CLTC: variants seen among roughly 807,000 people sequenced by gnomAD.
The protein encoded by CLTC is clathrin heavy chain, also known as clathrin heavy chain 1.
Under a neutral mutation model 195.8 loss-of-function variants are expected in CLTC, and 16 were observed. The observed-to-expected ratio is 0.08, with a 90% CI of 0.06 to 0.12. CLTC has a LOEUF of 0.12. Among genes scored for constraint, CLTC ranks in the 10% least tolerant of loss-of-function variants. The pLI, the probability that CLTC is intolerant of heterozygous loss-of-function variation, is 1.00. For missense variants in CLTC, 796 were observed against 2,027.0 expected, an observed-to-expected ratio of 0.39 and a Z score of 11.66; for synonymous variants, 667 against 689.4, an observed-to-expected ratio of 0.97 and a Z score of 0.51.
At position 59,666,581 on chromosome 17, in the gene CLTC, A is replaced by G. The variant is rs748902338; in HGVS notation, c.1884A>G (p.Glu628=). The G allele has an allele frequency of 6.2e-7, 1 of 1,614,072 alleles. No individual in the cohort carries two copies. Among genetic ancestry groups the G allele is most frequent in the South Asian group, 1.1e-5 (1 of 91,068 alleles). Residue 628 remains glutamate (E), a synonymous_variant, in exon 12 of 32, where the codon GAA becomes GAG. Transcript: ENST00000269122. The surrounding 1 kb of genome is among the most constrained non-coding windows in gnomAD (Gnocchi z 4.9). ...CTGGCCTACTGCAGCGTGCATTAGA[A>G]CATTTCACTGATTTATATGATATAA... is the stretch of plus-strand genomic sequence containing the variant. The part of the protein sequence containing the change: ...EKAGLLQRAL[E]HFTDLYDIKR...
rs771626151 is a variant in CLTC, at chr17:59,677,294, G to A, written c.2796+106G>A. ...AATATGGGACATTTGGGGACGGTGG[G>A]TGCTTTTTTAAAACTTTATTTGGAA... is the stretch of plus-strand genomic sequence containing the variant. On this transcript the variant is annotated intron_variant, in intron 17 of 31. Coordinates refer to ENST00000269122, the MANE Select transcript of CLTC (RefSeq NM_004859.4). The A allele has an allele frequency of 6.5e-5, 54 of 826,040 alleles. No homozygotes were observed. In the East Asian group the frequency reaches 1.4e-3, roughly 22 times the overall value. The allele number at this position is 826,040 out of a possible 1,614,324, so 51.2% of individuals were successfully genotyped here. A position where few individuals can be genotyped will look rare whatever the true frequency, so the allele number is the denominator to read the frequency against.
Position 59,666,286 on chromosome 17 carries a change from G to A in CLTC, c.1782+46G>A. 1 of 1,602,726 alleles carries A rather than the reference G, an allele frequency of 6.2e-7. No individual in the cohort carries two copies. On this transcript the variant is annotated intron_variant, in intron 11 of 31. Transcript: ENST00000269122. The surrounding 1 kb of genome is among the most constrained non-coding windows in gnomAD (Gnocchi z 4.9). ...TAGGCATGTTTCCAACATTGTTTTA[G>A]TAATTGTGCAGCGCCTCTCAGATTG...
rs776163420 is a variant in CLTC, at chr17:59,685,563, G to T, written c.4606-24G>T. 5.1e-6 allele frequency: 8 copies of T among 1,582,872 alleles called. No individual in the cohort carries two copies. Among genetic ancestry groups the T allele is most frequent in the South Asian group, 1.1e-5 (1 of 89,968 alleles). ...TCAGTATGTGGGGTCTAATGTTTTTGACTTTCACTATTTCTTTGAATAGGA... is the reference window on the plus strand; with the variant it reads ...TCAGTATGTGGGGTCTAATGTTTTTTACTTTCACTATTTCTTTGAATAGGA... On this transcript the variant is annotated intron_variant, in intron 29 of 31. Coordinates refer to ENST00000269122, the MANE Select transcript of CLTC (RefSeq NM_004859.4). The surrounding 1 kb of genome is among the most constrained non-coding windows in gnomAD (Gnocchi z 5.0).
chr17:59,687,429 G>C (rs1228456386), intron 30 of CLTC, among the ~76,000 whole-genome samples: 2 of 151,716 alleles, frequency 1.3e-5, no homozygotes, highest in Non-Finnish European at 1.5e-5. Context: ...TTGTGAGCTT[G>C]CCTGACAGTT....
At position 59,677,101 on chromosome 17, in the gene CLTC, C is replaced by G; in HGVS notation, c.2709C>G (p.Arg903=). The G allele has an allele frequency of 6.2e-7, 1 of 1,614,002 alleles. No individual in the cohort carries two copies. The highest frequency in any genetic ancestry group is 1.3e-5 in the African/African-American group (1 of 75,004). ...FLRENPYYDS[R]VVGKYCEKRD... is the part of the protein sequence containing the mutation. ...GTGAAAATCCCTACTATGACAGTCGCGTTGTTGGAAAGTATTGTGAGAAGA... is the reference window on the plus strand; with the variant it reads ...GTGAAAATCCCTACTATGACAGTCGGGTTGTTGGAAAGTATTGTGAGAAGA... The change falls in exon 17 of 32, where the codon CGC becomes CGG. Residue 903 remains arginine (R), a synonymous_variant. Coordinates refer to ENST00000269122, the MANE Select transcript of CLTC (RefSeq NM_004859.4).
intron 4 of CLTC, among the ~76,000 whole-genome samples, chr17:59,650,323 T>C (rs539661917): frequency 1.3e-5 from 2 of 152,298 alleles, no homozygotes; most frequent in Admixed American, 6.5e-5. Flanking sequence ...TGTATATGTA[T>C]AGGTAGAGAA....
intron 8 of CLTC, 68 bp from the exon 9 acceptor site, chr17:59,663,774 A>G: frequency 6.8e-6 from 9 of 1,329,014 alleles, no homozygotes; most frequent in Non-Finnish European, 9.4e-6. Context: ...TATAGTGGAC[A>G]TAGTGTCAAC....
intron 31 of CLTC, chr17:59,690,939 A>G (rs1447838572): frequency 1.7e-4 from 70 of 417,030 alleles, no homozygotes; most frequent in Non-Finnish European, 4.3e-5. Flanking sequence ...ATTTAAAATC[A>G]TAACATGAAT....
intron 14 of CLTC, among the ~76,000 whole-genome samples, chr17:59,670,094 T>G (rs949625400): frequency 6.6e-6 from 1 of 152,230 alleles, no homozygotes; most frequent in African/African-American, 2.4e-5. Context: ...GTGCTATGTT[T>G]GGACCAAAAC....
At chr17:59,686,970 T>C (rs2033198410) in intron 30 of CLTC, 2 of 987,616 alleles carry the variant, frequency 2.0e-6, no homozygotes, top group Non-Finnish European at 2.4e-6. Flanking sequence ...TGATTTTTTT[T>C]CTAAGCTGCA....
intron 14 of CLTC, among the ~76,000 whole-genome samples, chr17:59,672,170 G>T (rs1347671503): frequency 6.6e-6 from 1 of 152,058 alleles, no homozygotes; most frequent in African/African-American, 2.4e-5. Flanking sequence ...CATTTAGTAA[G>T]TAATTTAATA....
At chr17:59,654,783 T>C (rs1440776500) in intron 5 of CLTC, among the ~76,000 whole-genome samples, 1 of 152,238 alleles carries the variant, frequency 6.6e-6, no homozygotes, top group Non-Finnish European at 1.5e-5. Flanking sequence ...ACTTGGCCTA[T>C]AACATTTTAA....
intron 2 of CLTC, 120 bp from the exon 3 acceptor site, chr17:59,647,278 C>T (rs2032220714): frequency 6.9e-6 from 5 of 723,952 alleles, no homozygotes; most frequent in South Asian, 1.9e-5. Flanking sequence ...GCTGCTGTAT[C>T]GATGCAACTC....
chr17:59,682,186 AAATG>A lies in CLTC; in HGVS notation c.3443-80_3443-77del, dbSNP rs1346215945. The stretch of plus-strand genomic sequence containing the variant: ...CATTATCCATGTTTCCTTGAAAAGG[AAATG>A]AATGCAATTTTCATTTACTTGGGTG... On this transcript the variant is annotated intron_variant, in intron 21 of 31. Transcript: ENST00000269122. This position sits in a 1 kb window ranked among gnomAD's most constrained non-coding sequence, Gnocchi z 6.8. 7.7e-7 allele frequency: 1 copy of A among 1,303,624 alleles called. No individual in the cohort carries two copies. Among genetic ancestry groups the A allele is most frequent in the African/African-American group, 1.5e-5 (1 of 67,314 alleles). The allele number at this position is 1,303,624 out of a possible 1,614,324, so 80.8% of individuals were successfully genotyped here.
intron 1 of CLTC, among the ~76,000 whole-genome samples, chr17:59,629,476 C>A (rs1780662000): frequency 6.6e-6 from 1 of 151,582 alleles, no homozygotes. Context: ...TTTAAATATC[C>A]CGTGAAAAGC....
In CLTC at chr17:59,693,885, C is replaced by T. The variant is rs932649162; in HGVS notation, c.*33C>T. 8.9e-6 allele frequency: 14 copies of T among 1,575,140 alleles called. No homozygotes were observed. The highest frequency in any genetic ancestry group is 2.7e-5 in the African/African-American group (2 of 73,086). Reference sequence around the variant, plus strand: ...CGCTGATCCTGTAGTCACCTATTTTCGTACTGAAACATCGTCTTTACCCAC... The same window carrying T: ...CGCTGATCCTGTAGTCACCTATTTTTGTACTGAAACATCGTCTTTACCCAC... On this transcript the variant is annotated 3_prime_UTR_variant, in exon 32 of 32. Coordinates refer to ENST00000269122, the MANE Select transcript of CLTC (RefSeq NM_004859.4).
chr17:59,632,055 A>G (rs2031735448), intron 1 of CLTC, among the ~76,000 whole-genome samples: 1 of 151,564 alleles, frequency 6.6e-6, no homozygotes, highest in South Asian at 2.1e-4. Flanking sequence ...GTGTGACAGA[A>G]TAGGTTACAA....
rs1160491736 is a variant in CLTC, at chr17:59,694,397, G to A, written c.*545G>A. ...AGTGCTTCCCAGATTATTGAAAAAT[G>A]TTACAGACAACTTGCCTGATTTTTA... is the stretch of plus-strand genomic sequence containing the variant. On this transcript the variant is annotated 3_prime_UTR_variant, in exon 32 of 32. Transcript: ENST00000269122. 2 of 224,458 alleles carry A rather than the reference G, an allele frequency of 8.9e-6. No homozygotes were observed. The highest frequency in any genetic ancestry group is 1.8e-5 in the Non-Finnish European group (2 of 112,452). 13.9% of individuals were successfully genotyped at this position (224,458 alleles called of 1,614,324 possible). A position where few individuals can be genotyped will look rare whatever the true frequency, so the allele number is the denominator to read the frequency against.
intron 30 of CLTC, among the ~76,000 whole-genome samples, chr17:59,688,513 C>A (rs894635955): frequency 2.6e-5 from 4 of 152,142 alleles, no homozygotes; most frequent in Non-Finnish European, 5.9e-5. Flanking sequence ...AAAGACTTCT[C>A]TGCTTTTTTT....
Sources: allele counts gnomAD v4.1 joint callset (sites outside exome capture counted in the v4.1 genomes callset), GRCh38; gene constraint gnomAD v4.1.1; non-coding constraint Gnocchi (gnomAD v3.1); transcripts MANE v1.5; gene names NCBI Gene and HGNC (gene_info 2026-07-23, HGNC 2026-07-21).